Variants in TMEM145 observed in about 807,000 individuals in gnomAD.
TMEM145 encodes the protein transmembrane protein 145.
TMEM145 carries 46 observed loss-of-function variants against 68.5 expected under a neutral mutation model. The ratio of observed to expected loss-of-function variants is 0.67; its 90% CI spans 0.53 to 0.86. The LOEUF is 0.86. Ranked by LOEUF, TMEM145 falls within the 40% of genes least tolerant of loss-of-function variation. TMEM145 has a pLI of 0.00. For missense variants in TMEM145, 570 were observed against 645.8 expected (o/e 0.88, Z 1.27); for synonymous variants, 255 against 280.2 (o/e 0.91, Z 0.90).
intron 8 of TMEM145, 112 bp downstream of exon 8, chr19:42,315,552 A>T: frequency 2.6e-4 from 221 of 855,242 alleles, no homozygotes; most frequent in East Asian, 8.5e-4. Context: ...CTGGGGGAGG[A>T]GGGGCTGGGG....
Position 42,325,042 on chromosome 19 carries a change from A to G in TMEM145, c.*225A>G, listed in dbSNP as rs2038959188. 1 of 623,598 alleles carries G rather than the reference A, an allele frequency of 1.6e-6. No homozygotes were observed. Among genetic ancestry groups the G allele is most frequent in the African/African-American group, 1.9e-5 (1 of 51,970 alleles). 38.6% of individuals were successfully genotyped at this position (623,598 alleles called of 1,614,324 possible). A position where few individuals can be genotyped will look rare whatever the true frequency, so the allele number is the denominator to read the frequency against. On this transcript the variant is annotated 3_prime_UTR_variant, in exon 15 of 15. Coordinates refer to ENST00000301204, the MANE Select transcript of TMEM145 (RefSeq NM_173633.3). ...TTTTACCCCTTCTTGCCAAAATAAA[A>G]AAGGATTCGTTTTTATCTATAACAT...
In TMEM145 at chr19:42,316,900, G is replaced by T; in HGVS notation, c.837G>T (p.Lys279Asn). 1 of 1,613,786 alleles carries T rather than the reference G, an allele frequency of 6.2e-7. No individual in the cohort carries two copies. Among genetic ancestry groups the T allele is most frequent in the Non-Finnish European group, 8.5e-7 (1 of 1,179,956 alleles). ...RGRISHAGSV[K>N]LSVYMTLYTL... The stretch of plus-strand genomic sequence containing the variant: ...GCATCAGCCACGCGGGCTCCGTGAA[G>T]TTGTCTGTCTACATGACCCTGTACA... The change falls in exon 11 of 15, where the codon AAG becomes AAT. Residue 279 changes from lysine (K) to asparagine (N), a missense_variant. Lys to Asn is a moderately conservative substitution (Grantham distance 94, BLOSUM62 0). Transcript: ENST00000301204.
rs574065713 is a variant in TMEM145 at position 42,318,018 on chromosome 19, T to G, written c.1073+137T>G. 3.0e-5 allele frequency: 29 copies of G among 956,928 alleles called. 1 individual carries two copies. The South Asian group carries it at 4.3e-4, about 14-fold the overall frequency. The allele number at this position is 956,928 out of a possible 1,614,324, so 59.3% of individuals were successfully genotyped here. ...GCAGCTGTTGCCCAGAATCTGCCAC[T>G]TACTCACTTTGTGAAAAATTACTTT... On this transcript the variant is annotated intron_variant, in intron 12 of 14. Coordinates refer to ENST00000301204, the MANE Select transcript of TMEM145 (RefSeq NM_173633.3).
intron 14 of TMEM145, chr19:42,324,447 C>A: frequency 2.0e-6 from 2 of 985,424 alleles, no homozygotes; most frequent in Non-Finnish European, 2.4e-6. Flanking sequence ...CCGCTCGTGC[C>A]CCAGACGGCA....
Position 42,313,592 on chromosome 19 carries a change from C to T in TMEM145, c.120+96C>T. 2 of 990,462 alleles carry T rather than the reference C, an allele frequency of 2.0e-6. No homozygotes were observed. The highest frequency in any genetic ancestry group is 2.6e-6 in the Non-Finnish European group (2 of 763,634). The allele number at this position is 990,462 out of a possible 1,614,324, so 61.4% of individuals were successfully genotyped here. ...TACCGCCTCGCCCCCTGCCGCCCCTCCTGGCGGACTCCGGGAGCCTCGGGG... is the reference window on the plus strand; with the variant it reads ...TACCGCCTCGCCCCCTGCCGCCCCTTCTGGCGGACTCCGGGAGCCTCGGGG... On this transcript the variant is annotated intron_variant, in intron 1 of 14. Coordinates refer to ENST00000301204, the MANE Select transcript of TMEM145 (RefSeq NM_173633.3). This position sits in a 1 kb window ranked among gnomAD's most constrained non-coding sequence, Gnocchi z 5.1.
intron 14 of TMEM145, 129 bp downstream of exon 14, chr19:42,323,918 C>T: frequency 1.2e-6 from 1 of 823,436 alleles, no homozygotes; most frequent in Non-Finnish European, 1.8e-6. Context: ...TTCGCACTCC[C>T]CGCGCCCCAA....
intron 13 of TMEM145, among the ~76,000 whole-genome samples, chr19:42,322,455 G>T (rs1033431178): frequency 2.0e-5 from 3 of 152,170 alleles, no homozygotes; most frequent in African/African-American, 7.2e-5. Flanking sequence ...CGCCCTTCCT[G>T]CTGTATCTCA....
At chr19:42,320,270 T>TGGAG in intron 12 of TMEM145, 47 bp from the exon 13 acceptor site, 1 of 1,608,612 alleles carries the variant, frequency 6.2e-7, no homozygotes, top group Non-Finnish European at 8.5e-7. Context: ...TAGGGTGGGG[T>TGGAG]GGAGGACAGG....
intron 5 of TMEM145, 41 bp from the exon 6 acceptor site, chr19:42,314,952 A>G: frequency 6.2e-7 from 1 of 1,613,692 alleles, no homozygotes; most frequent in Non-Finnish European, 8.5e-7. Flanking sequence ...CCAACCCCCA[A>G]CTTGCCCAGG....
chr19:42,323,448 G>A (rs2038929836), intron 13 of TMEM145, 135 bp from the exon 14 acceptor site: 1 of 805,474 alleles, frequency 1.2e-6, no homozygotes. Flanking sequence ...CAGAGGGGAC[G>A]CCTAATCCAG....
In TMEM145 at chr19:42,320,342, C is replaced by G; in HGVS notation, c.1099C>G (p.Leu367Val). 6.2e-7 allele frequency: 1 copy of G among 1,614,130 alleles called. No individual in the cohort carries two copies. The highest frequency in any genetic ancestry group is 8.5e-7 in the Non-Finnish European group (1 of 1,180,036). The stretch of plus-strand genomic sequence containing the variant: ...GTTCTTTGCGGTTCCTGTCATGGCC[C>G]TGATTGCCAATTTCGGCATCCCCAA... Reference protein sequence around the residue: ...LWFFAVPVMALIANFGIPKWA... With the variant: ...LWFFAVPVMAVIANFGIPKWA... The change falls in exon 13 of 15, where the codon CTG (leucine) becomes GTG (valine). Residue 367 changes from leucine to valine, a missense_variant. By Grantham distance (32) the Leu-to-Val change is conservative (BLOSUM62 1). Coordinates refer to ENST00000301204, the MANE Select transcript of TMEM145 (RefSeq NM_173633.3).
At chr19:42,322,855 C>G (rs1332395968) in intron 13 of TMEM145, among the ~76,000 whole-genome samples, 1 of 152,040 alleles carries the variant, frequency 6.6e-6, no homozygotes, top group African/African-American at 2.4e-5. Context: ...GGCGCACCAC[C>G]ACACCTGGCT....
intron 12 of TMEM145, among the ~76,000 whole-genome samples, chr19:42,318,892 G>A (rs752241571): frequency 6.6e-6 from 1 of 152,002 alleles, no homozygotes; most frequent in Non-Finnish European, 1.5e-5. Flanking sequence ...GACCAGCCTG[G>A]CCAACATGGT....
Position 42,314,363 on chromosome 19 carries a change from A to C in TMEM145, c.195+17A>C. The C allele has an allele frequency of 6.2e-7, 1 of 1,613,854 alleles. No homozygotes were observed. The highest frequency in any genetic ancestry group is 8.5e-7 in the Non-Finnish European group (1 of 1,179,938). On this transcript the variant is annotated intron_variant, in intron 2 of 14. Transcript: ENST00000301204. ...TACCCTGAGGTGAGTCTCCCCCAAC[A>C]CTCGCCATGCTGAGGCTGGGTACTT...
intron 14 of TMEM145, chr19:42,324,148 C>T (rs1375472194): frequency 1.4e-6 from 1 of 694,712 alleles, no homozygotes; most frequent in Non-Finnish European, 1.8e-6. Context: ...GCCACCCAGT[C>T]CTTCCCTGAC....
At position 42,315,237 on chromosome 19, in the gene TMEM145, C is replaced by G. The variant is rs774005845; in HGVS notation, c.555C>G (p.Phe185Leu). The change falls in exon 7 of 15, where the codon TTC becomes TTG. Residue 185 changes from phenylalanine (F) to leucine (L), a missense_variant. Transcript: ENST00000301204. ...TCCTCCTCATCTTCATCCTCATCTT[C>G]TTCCTCTCTTGTTACTTTGGATGTG... is the stretch of plus-strand genomic sequence containing the variant. ...VTFLLIFILI[F>L]FLSCYFGYLL... The G allele has an allele frequency of 2.5e-6, 4 of 1,607,616 alleles. No homozygotes were observed. In the East Asian group the frequency reaches 8.9e-5, roughly 36 times the overall value.
At chr19:42,319,270 C>T (rs999904012) in intron 12 of TMEM145, among the ~76,000 whole-genome samples, 14 of 152,158 alleles carry the variant, frequency 9.2e-5, no homozygotes, top group Non-Finnish European at 2.1e-4. Flanking sequence ...CTTCTCTCTG[C>T]CTCAGTTTCC....
Position 42,314,279 on chromosome 19 carries a change from T to G in TMEM145, c.128T>G (p.Val43Gly), listed in dbSNP as rs751810337. 1 of 1,613,740 alleles carries G rather than the reference T, an allele frequency of 6.2e-7. No individual in the cohort carries two copies. The highest frequency in any genetic ancestry group is 1.3e-5 in the African/African-American group (1 of 74,786). ...ACTGGGCCCCTTTTTCAGGACTGGG[T>G]GTTCCTGACAAGATTTTGTTTCCTC... is the stretch of plus-strand genomic sequence containing the variant. Reference protein sequence around the residue: ...RGNLSSKEDWVFLTRFCFLSD... With the variant: ...RGNLSSKEDWGFLTRFCFLSD... The change falls in exon 2 of 15, where the codon GTG becomes GGG. Residue 43 changes from valine to glycine, a missense_variant. Transcript: ENST00000301204.
Position 42,314,244 on chromosome 19 carries a change from G to A in TMEM145, c.121-28G>A, listed in dbSNP as rs536170410. On this transcript the variant is annotated intron_variant, in intron 1 of 14. Coordinates refer to ENST00000301204, the MANE Select transcript of TMEM145 (RefSeq NM_173633.3). Reference sequence around the variant, plus strand: ...GTAAAGAGTTCTTGAAGGACTCAGCGGAGGGTCAGACTGGGCCCCTTTTTC... The same window carrying A: ...GTAAAGAGTTCTTGAAGGACTCAGCAGAGGGTCAGACTGGGCCCCTTTTTC... The A allele has an allele frequency of 3.0e-5, 49 of 1,613,210 alleles. No homozygotes were observed. In the Admixed American group the frequency reaches 3.3e-4, roughly 11 times the overall value.
Sources: allele counts gnomAD v4.1 joint callset (sites outside exome capture counted in the v4.1 genomes callset), GRCh38; gene constraint gnomAD v4.1.1; non-coding constraint Gnocchi (gnomAD v3.1); transcripts MANE v1.5; gene names NCBI Gene and HGNC (gene_info 2026-07-23, HGNC 2026-07-21).